Variants in PTPRN2 observed in about 807,000 individuals in gnomAD.
The protein encoded by PTPRN2 is protein tyrosine phosphatase receptor type N2.
Under a neutral mutation model 118.8 loss-of-function variants are expected in PTPRN2, and 74 were observed. The ratio of observed to expected loss-of-function variants is 0.62; its 90% CI spans 0.52 to 0.76. The LOEUF is 0.76. Among genes scored for constraint, PTPRN2 ranks in the 30% least tolerant of loss-of-function variants. PTPRN2 has a pLI of 0.00. For missense variants in PTPRN2, 1,481 were observed against 1,394.4 expected, an observed-to-expected ratio of 1.06 and a Z score of -0.99; for synonymous variants, 641 against 608.0, an observed-to-expected ratio of 1.05 and a Z score of -0.80.
At chr7:158,267,182 G>A (rs1342648904) in intron 3 of PTPRN2, among the ~76,000 whole-genome samples, 2 of 152,230 alleles carry the variant, frequency 1.3e-5, no homozygotes, top group Non-Finnish European at 2.9e-5. Context: ...GCTTAATCAG[G>A]AAGGAGCCAG....
At chr7:157,898,009 G>C (rs1207236421) in intron 12 of PTPRN2, among the ~76,000 whole-genome samples, 1 of 152,288 alleles carries the variant, frequency 6.6e-6, no homozygotes, top group Non-Finnish European at 1.5e-5. Flanking sequence ...TCATGTCAGG[G>C]GACAGCGGCC....
chr7:158,489,579 A>G (rs1821283922), intron 2 of PTPRN2, among the ~76,000 whole-genome samples, 156 bp downstream of exon 2: 1 of 152,182 alleles, frequency 6.6e-6, no homozygotes, highest in Non-Finnish European at 1.5e-5. Flanking sequence ...CCGAGGCCGC[A>G]GCCCATGGCT....
chr7:158,173,189 C>T (rs1823870810), intron 5 of PTPRN2, among the ~76,000 whole-genome samples: 1 of 151,712 alleles, frequency 6.6e-6, no homozygotes, highest in African/African-American at 2.4e-5. Flanking sequence ...TCACCATCAG[C>T]ATCATCCCAC....
In PTPRN2 at chr7:158,517,250, G is replaced by T. The variant is rs571650423; in HGVS notation, c.113-27465C>A. On this transcript the variant is annotated intron_variant, in intron 1 of 22. Transcript: ENST00000389418. This position sits in a 1 kb window ranked among gnomAD's most constrained non-coding sequence, Gnocchi z 5.3. ...CCCCACAGGCTTCCTCCTCACTTCG[G>T]GGGTGCAAGCCTGCAAGACCAAACA... 3.9e-5 allele frequency among the ~76,000 whole-genome samples: 6 copies of T among 152,168 alleles called. No individual in the cohort carries two copies. The highest frequency in any genetic ancestry group is 8.8e-5 in the Non-Finnish European group (6 of 68,024).
At chr7:157,904,844 C>T (rs959254094) in intron 11 of PTPRN2, among the ~76,000 whole-genome samples, 16 of 152,228 alleles carry the variant, frequency 1.1e-4, no homozygotes, top group Non-Finnish European at 1.8e-4. Flanking sequence ...GGCACAAGGG[C>T]AGCCTCCGCA....
chr7:157,727,624 T>G (rs568046347), intron 12 of PTPRN2, among the ~76,000 whole-genome samples: 1 of 152,278 alleles, frequency 6.6e-6, no homozygotes, highest in Non-Finnish European at 1.5e-5. Flanking sequence ...CGCACAACGT[T>G]GTGAACACAT....
chr7:158,190,973 C>T (rs1377161467), intron 5 of PTPRN2, among the ~76,000 whole-genome samples: 3 of 152,390 alleles, frequency 2.0e-5, no homozygotes, highest in South Asian at 4.1e-4. Context: ...TGCTAAGACA[C>T]AGAAGTGCCT....
intron 2 of PTPRN2, among the ~76,000 whole-genome samples, chr7:158,488,796 A>AG (rs762249609): frequency 2.0e-5 from 3 of 152,276 alleles, no homozygotes; most frequent in Admixed American, 6.5e-5. Flanking sequence ...ACAGATGCGC[A>AG]GGGAGCTGGG....
chr7:157,612,251 C>A (rs962701130), intron 15 of PTPRN2, among the ~76,000 whole-genome samples: 2 of 152,188 alleles, frequency 1.3e-5, no homozygotes, highest in African/African-American at 4.8e-5. Flanking sequence ...GCGCTGGTGG[C>A]GACTTTCTCG....
chr7:158,199,568 T>C (rs534225398), intron 4 of PTPRN2, among the ~76,000 whole-genome samples: 1 of 152,326 alleles, frequency 6.6e-6, no homozygotes, highest in South Asian at 2.1e-4. Flanking sequence ...TCTCTGGAGA[T>C]TAACTGCCTT....
At chr7:158,305,165 G>A (rs1159582942) in intron 3 of PTPRN2, among the ~76,000 whole-genome samples, 1 of 152,134 alleles carries the variant, frequency 6.6e-6, no homozygotes, top group Non-Finnish European at 1.5e-5. Flanking sequence ...CTGAACTAGT[G>A]TTTCAGGTTT....
chr7:157,698,612 T>C (rs1797924168), intron 12 of PTPRN2, among the ~76,000 whole-genome samples: 1 of 152,240 alleles, frequency 6.6e-6, no homozygotes, highest in African/African-American at 2.4e-5. Context: ...CTATTATTAG[T>C]TTTGTCCATT....
intron 11 of PTPRN2, among the ~76,000 whole-genome samples, chr7:157,976,959 A>T (rs533167964): frequency 1.3e-5 from 2 of 152,002 alleles, no homozygotes; most frequent in East Asian, 3.9e-4. Context: ...TTATTAACAA[A>T]GATAGCTGTC....
intron 11 of PTPRN2, among the ~76,000 whole-genome samples, chr7:158,072,694 G>A (rs188687450): frequency 4.6e-5 from 7 of 152,274 alleles, no homozygotes; most frequent in African/African-American, 7.2e-5. Context: ...GTGACTCTGT[G>A]TTAGTCTGAT....
chr7:157,770,639 A>G (rs1045978263), intron 12 of PTPRN2, among the ~76,000 whole-genome samples: 2 of 152,260 alleles, frequency 1.3e-5, no homozygotes, highest in African/African-American at 4.8e-5. Flanking sequence ...ATGACAGAGC[A>G]GATCTGAAAA....
At chr7:157,789,908 CTG>C (rs1188345715) in intron 12 of PTPRN2, among the ~76,000 whole-genome samples, 2 of 135,622 alleles carry the variant, frequency 1.5e-5, no homozygotes, top group African/African-American at 2.8e-5. Flanking sequence ...ATGTGTGGTG[CTG>C]TGTGTGTGGT....
chr7:158,317,079 G>A lies in PTPRN2; in HGVS notation c.164-147C>T, dbSNP rs150376550. 6.3e-3 allele frequency: 3,575 copies of A among 569,744 alleles called. 19 individuals carry two copies. Among genetic ancestry groups the A allele is most frequent in the Admixed American group, 9.3e-3 (257 of 27,740 alleles). The allele number at this position is 569,744 out of a possible 1,614,324, so 35.3% of individuals were successfully genotyped here. A position where few individuals can be genotyped will look rare whatever the true frequency, so the allele number is the denominator to read the frequency against. On this transcript the variant is annotated intron_variant, in intron 2 of 22. Transcript: ENST00000389418. Reference sequence around the variant, plus strand: ...CGTCACCAGAGGGCTGTTAGGACCCGGGAGCACCCGGAGGATGCTGGTTTG... The same window carrying A: ...CGTCACCAGAGGGCTGTTAGGACCCAGGAGCACCCGGAGGATGCTGGTTTG...
rs893055496 is a variant in PTPRN2, at chr7:157,885,825, C to T, written c.1788+12848G>A. On this transcript the variant is annotated intron_variant, in intron 12 of 22. Coordinates refer to ENST00000389418, the MANE Select transcript of PTPRN2 (RefSeq NM_002847.5). ...GAGTCAGGCTGCCTGGTGCTGGCAC[C>T]GGCTGCCGGTTCTGCCATGTCACTT... Among the ~76,000 whole-genome samples the T allele has an allele frequency of 7.2e-5, 11 of 152,234 alleles. No individual in the cohort carries two copies. In the East Asian group the frequency reaches 9.7e-4, roughly 13 times the overall value.
chr7:157,732,920 C>T (rs867058275), intron 12 of PTPRN2, among the ~76,000 whole-genome samples: 7 of 7,576 alleles, frequency 9.2e-4, no homozygotes, highest in Admixed American at 2.7e-3. Context: ...GCACAGTTAC[C>T]CTTTCCCGTC....
Sources: gnomAD v4.1 joint callset for allele counts (sites outside exome capture counted in the v4.1 genomes callset) on GRCh38, gnomAD v4.1.1 for gene constraint, Gnocchi (gnomAD v3.1) non-coding constraint, MANE v1.5 for transcripts, NCBI Gene and HGNC (gene_info 2026-07-23, HGNC 2026-07-21) for gene names.